The following RB1 variants were observed in gnomAD, a reference collection of about 807,000 sequenced individuals.
The protein encoded by RB1 is retinoblastoma-associated protein.
In RB1, 18 loss-of-function variants were observed where a neutral mutation model predicts 135.4. The ratio of observed to expected loss-of-function variants is 0.13; its 90% CI spans 0.09 to 0.20. The LOEUF (loss-of-function observed/expected upper bound fraction) is 0.20. Ranked by LOEUF, RB1 falls within the 10% of genes least tolerant of loss-of-function variation. RB1 has a pLI of 1.00. For missense variants in RB1, 868 were observed against 1,110.0 expected (o/e 0.78, Z 3.10); for synonymous variants, 365 against 373.2 (o/e 0.98, Z 0.25).
In RB1 at chr13:48,480,036, G is replaced by C. The variant is rs2138364497; in HGVS notation, c.2752G>C (p.Asp918His). The C allele has an allele frequency of 6.2e-7, 1 of 1,613,370 alleles. No individual in the cohort carries two copies. Among genetic ancestry groups the C allele is most frequent in the Non-Finnish European group, 8.5e-7 (1 of 1,179,508 alleles). Residue 918 changes from aspartate (D) to histidine (H), a missense_variant, in exon 27 of 27, where the codon GAT becomes CAT. Around this residue, in one of 3 missense-constraint regions of RB1, gnomAD observed 196 missense variants for 239.8 expected, o/e 0.82. Transcript: ENST00000267163. Reference protein sequence around the residue: ...RTRMQKQKMNDSMDTSNKEEK With the variant: ...RTRMQKQKMNHSMDTSNKEEK ...ACGAATGCAAAAGCAGAAAATGAAT[G>C]ATAGCATGGATACCTCAAACAAGGA...
intron 17 of RB1, among the ~76,000 whole-genome samples, chr13:48,396,191 C>A (rs1326584448): frequency 6.6e-6 from 1 of 152,108 alleles, no homozygotes; most frequent in Non-Finnish European, 1.5e-5. Flanking sequence ...ATAGCCGAGA[C>A]AATCTTAAGC....
chr13:48,411,862 T>A lies in RB1; in HGVS notation c.1695+30419T>A, dbSNP rs121434307. 33 of 1,613,910 alleles carry A rather than the reference T, an allele frequency of 2.0e-5. No homozygotes were observed. In the South Asian group the frequency reaches 3.6e-4, roughly 18 times the overall value. On this transcript the variant is annotated intron_variant, in intron 17 of 26. Transcript: ENST00000267163. ...GGAATAAAAAATCCCACTATTTCGA[T>A]GAAAATTACAATCCTTGAGAGATAT...
chr13:48,403,502 A>C (rs198610), intron 17 of RB1, among the ~76,000 whole-genome samples: 118,966 of 152,048 alleles, frequency 0.78, 52,247 homozygotes, highest in Non-Finnish European at 0.97. Flanking sequence ...CACAGCACAC[A>C]ACACCCCCAG....
chr13:48,454,390 A>G (rs1450523153), intron 18 of RB1, among the ~76,000 whole-genome samples: 1 of 152,174 alleles, frequency 6.6e-6, no homozygotes, highest in African/African-American at 2.4e-5. Context: ...GCATATGGAG[A>G]CCCTGCCTTC....
chr13:48,382,775 G>A (rs371275311), intron 17 of RB1, among the ~76,000 whole-genome samples: 15 of 152,144 alleles, frequency 9.9e-5, no homozygotes, highest in East Asian at 9.6e-4. Context: ...TGCCCATGCC[G>A]ATGTCCTGAA....
chr13:48,436,232 G>T (rs1949182270), intron 17 of RB1, among the ~76,000 whole-genome samples: 1 of 152,210 alleles, frequency 6.6e-6, no homozygotes, highest in African/African-American at 2.4e-5. Flanking sequence ...TATTATATTT[G>T]AGATGTTTGC....
chr13:48,402,467 T>C (rs930490074), intron 17 of RB1, among the ~76,000 whole-genome samples: 2 of 148,422 alleles, frequency 1.3e-5, no homozygotes, highest in African/African-American at 4.9e-5. Flanking sequence ...AGCCTTGAAC[T>C]CTTGGGCTCA....
intron 17 of RB1, chr13:48,445,180 G>T (rs1158716235): frequency 6.6e-6 from 1 of 152,152 alleles, no homozygotes; most frequent in Non-Finnish European, 1.5e-5. Flanking sequence ...ATGGATTATG[G>T]TGGACCCTAT....
Position 48,463,738 on chromosome 13 carries a change from T to C in RB1, c.2114T>C (p.Met705Thr). ...CATCAATTTATTTACTAGATTATGA[T>C]GTGTTCCATGTATGGCATATGCAAA... The part of the protein sequence containing the change: ...MRDRHLDQIM[M>T]CSMYGICKVK... The change falls in exon 21 of 27, where the codon ATG becomes ACG. Residue 705 changes from methionine to threonine, a missense_variant. Coordinates refer to ENST00000267163, the MANE Select transcript of RB1 (RefSeq NM_000321.3). 1 of 1,532,662 alleles carries C rather than the reference T, an allele frequency of 6.5e-7. No individual in the cohort carries two copies. The highest frequency in any genetic ancestry group is 9.0e-7 in the Non-Finnish European group (1 of 1,106,264). The allele number at this position is 1,532,662 out of a possible 1,614,324, so 94.9% of individuals were successfully genotyped here. A position where few individuals can be genotyped will look rare whatever the true frequency, so the allele number is the denominator to read the frequency against.
chr13:48,459,415 G>A (rs1420160442), intron 19 of RB1, among the ~76,000 whole-genome samples: 3 of 152,116 alleles, frequency 2.0e-5, no homozygotes, highest in Non-Finnish European at 4.4e-5. Flanking sequence ...GGAGGTTCCT[G>A]GAGAATAGCA....
rs181461328 is a variant in RB1, at chr13:48,357,434, C to T, written c.608-2583C>T. ...TTTTATATAATTTGTTCATTAATTT[C>T]CTTTTTATGATACATTTTTATTGAA... is the stretch of plus-strand genomic sequence containing the variant. On this transcript the variant is annotated intron_variant, in intron 6 of 26. Transcript: ENST00000267163. 4.5e-3 allele frequency among the ~76,000 whole-genome samples: 681 copies of T among 151,972 alleles called. 2 individuals are homozygous for T. Among genetic ancestry groups the T allele is most frequent in the Non-Finnish European group, 7.1e-3 (479 of 67,936 alleles).
chr13:48,463,880 A>G (rs1657888221), intron 21 of RB1, 45 bp downstream of exon 21: 2 of 1,090,548 alleles, frequency 1.8e-6, no homozygotes, highest in African/African-American at 3.1e-5. Flanking sequence ...ATCCATATCC[A>G]TAACATAACA....
chr13:48,304,137 C>G lies in RB1; in HGVS notation c.137+88C>G, dbSNP rs940455223. 1.1e-5 allele frequency: 14 copies of G among 1,279,418 alleles called. No homozygotes were observed. The African/African-American group carries it at 1.9e-4, about 17-fold the overall frequency. 79.3% of individuals were successfully genotyped at this position (1,279,418 alleles called of 1,614,324 possible). Reference sequence around the variant, plus strand: ...GCGCCAAGGCGGCTCGGCGGGGATCCGTCCTCGCCAGGGGCCGGGTCCCGG... The same window carrying G: ...GCGCCAAGGCGGCTCGGCGGGGATCGGTCCTCGCCAGGGGCCGGGTCCCGG... On this transcript the variant is annotated intron_variant, in intron 1 of 26. Transcript: ENST00000267163.
At chr13:48,327,985 A>T (rs4151442) in intron 2 of RB1, 2 of 569,000 alleles carry the variant, frequency 3.5e-6, no homozygotes, top group South Asian at 2.6e-5. Context: ...AGAAAAAAAA[A>T]GTGGCTCCAA....
intron 13 of RB1, among the ~76,000 whole-genome samples, chr13:48,378,515 A>G (rs868716603): frequency 6.6e-6 from 1 of 151,944 alleles, no homozygotes; most frequent in Admixed American, 6.6e-5. Context: ...GTCAACTCCT[A>G]TGATGATGAT....
chr13:48,438,770 G>A (rs866098851), intron 17 of RB1, among the ~76,000 whole-genome samples: 3 of 152,074 alleles, frequency 2.0e-5, no homozygotes, highest in Admixed American at 2.0e-4. Context: ...TATAAGTAAT[G>A]TGGTTGGTGC....
intron 24 of RB1, 100 bp from the exon 25 acceptor site, chr13:48,476,601 T>G: frequency 8.0e-7 from 1 of 1,252,898 alleles, no homozygotes; most frequent in African/African-American, 1.5e-5. Flanking sequence ...AGTTATTACC[T>G]TTGCCTGATT....
At chr13:48,455,227 GATGT>G (rs1180980550) in intron 18 of RB1, among the ~76,000 whole-genome samples, 10 of 152,192 alleles carry the variant, frequency 6.6e-5, no homozygotes, top group Admixed American at 6.5e-4. Flanking sequence ...TAAGACACTA[GATGT>G]AATGTGGAGC....
At chr13:48,411,572 A>G (rs1948802739) in intron 17 of RB1, 3 of 1,613,694 alleles carry the variant, frequency 1.9e-6, no homozygotes, top group Non-Finnish European at 1.7e-6. Context: ...GGTCAAAACA[A>G]CAGTTGGAAA....
Sources: gnomAD v4.1 joint callset for allele counts (sites outside exome capture counted in the v4.1 genomes callset) on GRCh38, gnomAD v4.1.1 for gene constraint, gnomAD v4.1.1 regional missense constraint, MANE v1.5 for transcripts, NCBI Gene and HGNC (gene_info 2026-07-23, HGNC 2026-07-21) for gene names.